ZNF599: variants seen among roughly 807,000 people sequenced by gnomAD.
The protein encoded by ZNF599 is zinc finger protein 599.
Under a neutral mutation model 11.7 loss-of-function variants are expected in ZNF599, and 10 were observed. The observed-to-expected ratio is 0.86, with a 90% confidence interval of 0.53 to 1.45. The LOEUF is 1.45. ZNF599 is among the 40% of genes most tolerant of loss of function. ZNF599 has a pLI of 0.00. For synonymous variants in ZNF599, 232 were observed against 253.2 expected (o/e 0.92, Z 0.79); for missense variants, 688 against 713.6 (o/e 0.96, Z 0.41).
chr19:34,774,991 T>C (rs1051786686), upstream of ZNF599, among the ~76,000 whole-genome samples: 3 of 152,160 alleles, frequency 2.0e-5, no homozygotes, highest in Non-Finnish European at 4.4e-5. Flanking sequence ...TAAAAGTGTG[T>C]GGCATCTTCC....
the ZNF599 span, among the ~76,000 whole-genome samples, chr19:34,796,549 G>A: frequency 1.3e-5 from 2 of 152,106 alleles, no homozygotes; most frequent in African/African-American, 2.4e-5. Flanking sequence ...GATCTCAAGC[G>A]ATCTGCCTGC....
chr19:34,798,230 T>G, the ZNF599 span, among the ~76,000 whole-genome samples: 1 of 152,226 alleles, frequency 6.6e-6, no homozygotes, highest in Non-Finnish European at 1.5e-5. Context: ...CTCCCTACAA[T>G]TGTATTAGAT....
the ZNF599 span, among the ~76,000 whole-genome samples, chr19:34,786,659 C>G: frequency 8.9e-4 from 135 of 152,232 alleles, no homozygotes; most frequent in African/African-American, 3.1e-3. Flanking sequence ...AATGGCCAAA[C>G]AGCATTCCAG....
At chr19:34,772,233 G>C in intron 1 of ZNF599, 1 of 810,690 alleles carries the variant, frequency 1.2e-6, no homozygotes, top group Non-Finnish European at 1.5e-6. Context: ...CTGTTAGGCG[G>C]CAAGCCAGAT....
upstream of ZNF599, among the ~76,000 whole-genome samples, chr19:34,774,146 A>G (rs1475036923): frequency 6.6e-6 from 1 of 152,192 alleles, no homozygotes; most frequent in Non-Finnish European, 1.5e-5. Context: ...ACTTTCTTAC[A>G]TGATTCAAAA....
In ZNF599 at chr19:34,773,087, T is replaced by C. The variant is rs2069196516; in HGVS notation, c.-246A>G. On this transcript the variant is annotated 5_prime_UTR_variant, in exon 1 of 4. Transcript: ENST00000329285. ...CGCGGCTGACATAAAAGCGTGTAAG[T>C]GGGTCCTATCCTCCTCACTGTCCGT... 1 of 523,258 alleles carries C rather than the reference T, an allele frequency of 1.9e-6. No individual in the cohort carries two copies. The highest frequency in any genetic ancestry group is 3.3e-6 in the Non-Finnish European group (1 of 300,718). The allele number at this position is 523,258 out of a possible 1,614,324, so 32.4% of individuals were successfully genotyped here.
the ZNF599 span, among the ~76,000 whole-genome samples, chr19:34,799,594 A>G: frequency 5.3e-5 from 8 of 152,214 alleles, no homozygotes; most frequent in African/African-American, 9.7e-5. Context: ...CAGTGTGACT[A>G]TATTTGGAGA....
At chr19:34,805,607 T>TA in the ZNF599 span, among the ~76,000 whole-genome samples, 3 of 152,114 alleles carry the variant, frequency 2.0e-5, no homozygotes, top group African/African-American at 7.2e-5. Flanking sequence ...CACCAACACT[T>TA]ACTTAGATTA....
At chr19:34,790,822 C>T in the ZNF599 span, among the ~76,000 whole-genome samples, 1 of 152,020 alleles carries the variant, frequency 6.6e-6, no homozygotes, top group Non-Finnish European at 1.5e-5. Flanking sequence ...AATCCATCCA[C>T]ATTGTAAATA....
the ZNF599 span, among the ~76,000 whole-genome samples, chr19:34,782,071 T>G: frequency 6.6e-6 from 1 of 152,228 alleles, no homozygotes; most frequent in Non-Finnish European, 1.5e-5. Flanking sequence ...AACCTAGTCC[T>G]GATGTCACAC....
At chr19:34,784,635 C>T in the ZNF599 span, among the ~76,000 whole-genome samples, 285 of 152,136 alleles carry the variant, frequency 1.9e-3, no homozygotes, top group African/African-American at 6.5e-3. Context: ...ATTCCTTCAT[C>T]ACCATGGGTC....
Position 34,759,308 on chromosome 19 carries a change from A to T in ZNF599, c.1493T>A (p.Met498Lys), listed in dbSNP as rs749067940. The change falls in exon 4 of 4, where the codon ATG becomes AAG. Residue 498 changes from methionine (M) to lysine (K), a missense_variant. Met to Lys is a moderately conservative substitution (Grantham distance 95, BLOSUM62 -1). Coordinates refer to ENST00000329285, the MANE Select transcript of ZNF599 (RefSeq NM_001007248.3). ...FYYSSSFTRH[M>K]RIHTGEKPYV... ...GGGCTTCTCTCCAGTGTGAATCCTC[A>T]TGTGTCGAGTGAAGGAAGAGCTATA... 2 of 1,614,146 alleles carry T rather than the reference A, an allele frequency of 1.2e-6. No individual in the cohort carries two copies. The highest frequency in any genetic ancestry group is 1.7e-6 in the Non-Finnish European group (2 of 1,180,022).
chr19:34,796,250 A>C, the ZNF599 span, among the ~76,000 whole-genome samples: 7 of 152,018 alleles, frequency 4.6e-5, no homozygotes, highest in Admixed American at 4.6e-4. Context: ...GGTATACCCA[A>C]CTAGTGATTC....
At chr19:34,787,065 T>A in the ZNF599 span, among the ~76,000 whole-genome samples, 2 of 152,192 alleles carry the variant, frequency 1.3e-5, no homozygotes, top group Non-Finnish European at 2.9e-5. Flanking sequence ...AGAGGGGAAT[T>A]TTGATCCTGG....
chr19:34,798,341 G>C, the ZNF599 span, among the ~76,000 whole-genome samples: 2 of 152,166 alleles, frequency 1.3e-5, no homozygotes, highest in Admixed American at 6.5e-5. Context: ...AAATGTATGT[G>C]TATATACTAA....
intron 1 of ZNF599, among the ~76,000 whole-genome samples, chr19:34,772,105 C>A (rs1419767088): frequency 1.3e-5 from 2 of 152,132 alleles, no homozygotes; most frequent in African/African-American, 4.8e-5. Flanking sequence ...TAACTTGGGG[C>A]CTTATGTGCT....
At chr19:34,780,651 GA>G in the ZNF599 span, among the ~76,000 whole-genome samples, 61 of 136,094 alleles carry the variant, frequency 4.5e-4, no homozygotes, top group African/African-American at 1.5e-3. Context: ...AAGAAAGAGA[GA>G]GGGGGAGGGA....
In ZNF599 at chr19:34,773,046, C is replaced by CTT. The variant is rs2069196045; in HGVS notation, c.-207_-206dup. ...GGCCCCAGGAAGGGTTTTGCAGACG[C>CTT]TTGTGGGGGTGGGATCGCGGCTGAC... is the stretch of plus-strand genomic sequence containing the variant. On this transcript the variant is annotated 5_prime_UTR_variant, in exon 1 of 4. It removes the in-frame stop codon of an upstream open reading frame in the 5' UTR. Transcript: ENST00000329285. 3 of 570,828 alleles carry CTT rather than the reference C, an allele frequency of 5.3e-6. No homozygotes were observed. Among genetic ancestry groups the CTT allele is most frequent in the Non-Finnish European group, 8.9e-6 (3 of 338,950 alleles). 35.4% of individuals were successfully genotyped at this position (570,828 alleles called of 1,614,324 possible).
rs1004999970 is a variant in ZNF599, at chr19:34,759,390, T to A, written c.1411A>T (p.Arg471Trp). The A allele has an allele frequency of 6.2e-7, 1 of 1,614,028 alleles. No homozygotes were observed. The highest frequency in any genetic ancestry group is 8.5e-7 in the Non-Finnish European group (1 of 1,180,038). ...AAGGGTTTTTGTCCACTGTGGGTCC[T>A]ATTATGTCGAATAAAAACAGAGTGG... ...THHSVFIRHNRTHSGQKPLEC... is the reference protein window; with the variant it reads ...THHSVFIRHNWTHSGQKPLEC... Residue 471 changes from arginine (R) to tryptophan (W), a missense_variant, in exon 4 of 4, where the codon AGG becomes TGG. Physicochemically the swap from Arg to Trp is moderately radical, Grantham distance 101. Transcript: ENST00000329285.
Sources: gnomAD v4.1 joint callset for allele counts (sites outside exome capture counted in the v4.1 genomes callset) on GRCh38, gnomAD v4.1.1 for gene constraint, MANE v1.5 for transcripts, NCBI Gene and HGNC (gene_info 2026-07-23, HGNC 2026-07-21) for gene names.